The following ERC1 variants were observed in gnomAD, a reference collection of about 807,000 sequenced individuals.
ERC1 encodes RAB6 interacting protein 2.
In ERC1, 56 loss-of-function variants were observed where a neutral mutation model predicts 132.0. The observed-to-expected ratio is 0.42, with a 90% confidence interval of 0.34 to 0.53. The LOEUF (loss-of-function observed/expected upper bound fraction) is 0.53. Among genes scored for constraint, ERC1 ranks in the 20% least tolerant of loss-of-function variants. ERC1 has a pLI of 0.03. For synonymous variants in ERC1, 478 were observed against 476.1 expected, an observed-to-expected ratio of 1.00 and a Z score of -0.05; for missense variants, 1,202 against 1,349.9, an observed-to-expected ratio of 0.89 and a Z score of 1.72.
At chr12:1,440,795 C>T (rs916993010) in intron 17 of ERC1, among the ~76,000 whole-genome samples, 27 of 151,272 alleles carry the variant, frequency 1.8e-4, no homozygotes, top group African/African-American at 4.9e-4. Flanking sequence ...ACTACAGGTG[C>T]GCACCACACC....
rs1428391762 is a variant in ERC1 at position 1,494,341 on chromosome 12, TAA to T, written c.*4113_*4114del. The T allele has an allele frequency of 4.3e-6, 1 of 231,380 alleles. No homozygotes were observed. The highest frequency in any genetic ancestry group is 8.5e-6 in the Non-Finnish European group (1 of 116,984). The allele number at this position is 231,380 out of a possible 1,614,324, so 14.3% of individuals were successfully genotyped here. A position where few individuals can be genotyped will look rare whatever the true frequency, so the allele number is the denominator to read the frequency against. On this transcript the variant is annotated 3_prime_UTR_variant, in exon 19 of 19. Transcript: ENST00000360905. ...ACGTGAACCACTCAAAGGAATGTCT[TAA>T]AGAGGATCTGGAGTTTCCCCCATGC...
At chr12:1,115,806 A>G (rs7973392) in intron 6 of ERC1, 60 bp from the exon 7 acceptor site, 6 of 1,384,962 alleles carry the variant, frequency 4.3e-6, no homozygotes, top group African/African-American at 1.4e-5. Flanking sequence ...TGTGAAAGAT[A>G]CAGATAAGAG....
chr12:1,202,150 T>G (rs1956970788), intron 12 of ERC1, among the ~76,000 whole-genome samples: 1 of 152,172 alleles, frequency 6.6e-6, no homozygotes, highest in African/African-American at 2.4e-5. Context: ...ATAGACTTCC[T>G]TTAAAAGGAG....
intron 17 of ERC1, among the ~76,000 whole-genome samples, chr12:1,427,233 C>G (rs2092669014): frequency 6.6e-6 from 1 of 152,222 alleles, no homozygotes; most frequent in Non-Finnish European, 1.5e-5. Context: ...CTGGCAGACA[C>G]TACACATACT....
At chr12:1,217,610 C>A (rs1383336839) in intron 12 of ERC1, among the ~76,000 whole-genome samples, 1 of 152,198 alleles carries the variant, frequency 6.6e-6, no homozygotes, top group Admixed American at 6.5e-5. Flanking sequence ...CTGAAAGATA[C>A]AATTCAGCTC....
chr12:1,341,317 G>A (rs11061707), intron 15 of ERC1, among the ~76,000 whole-genome samples: 58,461 of 151,136 alleles, frequency 0.39, 11,562 homozygotes, highest in Middle Eastern at 0.44. Context: ...AGATGGTCTC[G>A]ATCTCCTGAG....
chr12:1,239,083 T>G (rs576349862), intron 13 of ERC1, among the ~76,000 whole-genome samples: 5 of 152,196 alleles, frequency 3.3e-5, no homozygotes, highest in African/African-American at 7.2e-5. Flanking sequence ...AACTACTCAG[T>G]TACTTAAGTA....
intron 14 of ERC1, among the ~76,000 whole-genome samples, chr12:1,264,178 G>C (rs899686366): frequency 2.6e-5 from 4 of 152,214 alleles, no homozygotes; most frequent in Non-Finnish European, 4.4e-5. Flanking sequence ...GGAGGGACTT[G>C]CTGAAGAGTT....
chr12:1,484,161 C>T (rs181338605), intron 18 of ERC1, among the ~76,000 whole-genome samples: 5 of 151,940 alleles, frequency 3.3e-5, no homozygotes, highest in Admixed American at 6.5e-5. Flanking sequence ...AAAAATTAGC[C>T]GAGCGTGGTA....
At chr12:1,110,984 G>A (rs1945793471) in intron 5 of ERC1, among the ~76,000 whole-genome samples, 1 of 152,060 alleles carries the variant, frequency 6.6e-6, no homozygotes, top group South Asian at 2.1e-4. Context: ...GATTACAGAC[G>A]TGAGCCACCG....
At chr12:1,431,283 C>T (rs1379768707) in intron 17 of ERC1, among the ~76,000 whole-genome samples, 2 of 152,170 alleles carry the variant, frequency 1.3e-5, no homozygotes, top group African/African-American at 4.8e-5. Context: ...CTTTTGTATT[C>T]TGTACTCAAA....
chr12:1,331,067 A>G (rs774246050), intron 15 of ERC1, among the ~76,000 whole-genome samples: 6 of 152,178 alleles, frequency 3.9e-5, no homozygotes, highest in Admixed American at 1.3e-4. Context: ...TTAGTTCACT[A>G]TATTTTTGCA....
intron 18 of ERC1, among the ~76,000 whole-genome samples, chr12:1,481,721 G>A (rs954408702): frequency 1.3e-5 from 2 of 152,104 alleles, no homozygotes; most frequent in African/African-American, 4.8e-5. Flanking sequence ...CCTTTTCCCA[G>A]GCATAGCATA....
At chr12:1,408,064 T>C in intron 16 of ERC1, 85 bp from the exon 17 acceptor site, 5 of 893,588 alleles carry the variant, frequency 5.6e-6, no homozygotes, top group Non-Finnish European at 9.0e-6. Context: ...TATCCTTTCT[T>C]ATGGAACTCT....
At chr12:1,326,285 C>G (rs1053283210) in intron 15 of ERC1, among the ~76,000 whole-genome samples, 3 of 152,248 alleles carry the variant, frequency 2.0e-5, no homozygotes, top group Non-Finnish European at 4.4e-5. Context: ...GGCCCAAGAC[C>G]TTGACCTCTC....
chr12:1,183,203 C>A, intron 10 of ERC1, 78 bp from the exon 11 acceptor site: 2 of 930,324 alleles, frequency 2.1e-6, no homozygotes, highest in Non-Finnish European at 3.0e-6. Context: ...GAAATTACAG[C>A]TACCATGATA....
At chr12:1,484,846 G>A (rs1453770865) in intron 18 of ERC1, among the ~76,000 whole-genome samples, 1 of 151,868 alleles carries the variant, frequency 6.6e-6, no homozygotes, top group Non-Finnish European at 1.5e-5. Flanking sequence ...GCCTCCCAAA[G>A]TGCTGGGATT....
intron 18 of ERC1, among the ~76,000 whole-genome samples, chr12:1,471,000 A>C (rs2093849544): frequency 6.6e-6 from 1 of 152,082 alleles, no homozygotes; most frequent in African/African-American, 2.4e-5. Flanking sequence ...ACCAATGTAA[A>C]TCTCCTGTTG....
At chr12:1,140,755 T>A (rs1316371266) in intron 7 of ERC1, among the ~76,000 whole-genome samples, 2 of 152,152 alleles carry the variant, frequency 1.3e-5, no homozygotes, top group Non-Finnish European at 2.9e-5. Flanking sequence ...ATTAAGTACT[T>A]GCAATGTGGC....
Sources: gnomAD v4.1 joint callset for allele counts (sites outside exome capture counted in the v4.1 genomes callset) on GRCh38, gnomAD v4.1.1 for gene constraint, MANE v1.5 for transcripts, NCBI Gene and HGNC (gene_info 2026-07-23, HGNC 2026-07-21) for gene names.